Variants in DCHS2 observed in about 807,000 individuals in gnomAD.
DCHS2 encodes protocadherin-23.
Under a neutral mutation model 182.4 loss-of-function variants are expected in DCHS2, and 142 were observed. The ratio of observed to expected loss-of-function variants is 0.78; its 90% CI spans 0.68 to 0.89. The LOEUF (loss-of-function observed/expected upper bound fraction) is 0.89. DCHS2 is among the 40% of genes least tolerant of loss of function. The pLI is 0.00. For missense variants in DCHS2, 4,319 were observed against 4,198.6 expected (o/e 1.03, Z -0.79); for synonymous variants, 1,740 against 1,663.3 (o/e 1.05, Z -1.12).
At position 154,351,150 on chromosome 4, in the gene DCHS2, G is replaced by A. The variant is rs1226070481; in HGVS notation, c.2476+15060C>T. Among the ~76,000 whole-genome samples, 4 of 152,186 alleles carry A rather than the reference G, an allele frequency of 2.6e-5. No individual in the cohort carries two copies. In the South Asian group the frequency reaches 8.3e-4, roughly 32 times the overall value. On this transcript the variant is annotated intron_variant, in intron 3 of 19. Transcript: ENST00000357232. ...CCAGTGAGAAGCAGAGGGATTTGGGGAATGGTGGACAACAGGTGGGAAAAA... is the reference window on the plus strand; with the variant it reads ...CCAGTGAGAAGCAGAGGGATTTGGGAAATGGTGGACAACAGGTGGGAAAAA...
rs770262248 is a variant in DCHS2, at chr4:154,239,317, G to A, written c.7360-15C>T. ...GGAACTGTGACCTGAGGGAAAAAGA[G>A]AAAAATAGGGACATTGTGCTTAAAG... On this transcript the variant is annotated splice_polypyrimidine_tract_variant and intron_variant, in intron 18 of 19. Coordinates refer to ENST00000357232, the MANE Select transcript of DCHS2 (RefSeq NM_001358235.2). The A allele has an allele frequency of 1.2e-6, 2 of 1,610,726 alleles. No individual in the cohort carries two copies. Among genetic ancestry groups the A allele is most frequent in the Non-Finnish European group, 1.7e-6 (2 of 1,178,932 alleles).
chr4:154,376,090 G>A (rs1211170625), intron 2 of DCHS2, among the ~76,000 whole-genome samples: 1 of 152,090 alleles, frequency 6.6e-6, no homozygotes, highest in African/African-American at 2.4e-5. Context: ...ATGGAGGGGT[G>A]GATGGAGGAC....
chr4:154,448,744 G>A (rs1734407930), intron 1 of DCHS2, among the ~76,000 whole-genome samples: 1 of 152,194 alleles, frequency 6.6e-6, no homozygotes, highest in Non-Finnish European at 1.5e-5. Context: ...CACAGAAGCT[G>A]TCTCTGTTTC....
In DCHS2 at chr4:154,335,046, C is replaced by T. The variant is rs201977706; in HGVS notation, c.2535G>A (p.Met845Ile). Residue 845 changes from methionine to isoleucine, a missense_variant, in exon 4 of 20, where the codon ATG becomes ATA. Met to Ile is a conservative substitution (Grantham distance 10). Transcript: ENST00000357232. ...SHLESTTLSL[M>I]VSAQDGGGLT... is the part of the protein sequence containing the mutation. ...GCCCACCACCGTCTTGAGCAGAGAC[C>T]ATCAACGAAAGTGTGGTAGATTCCA... 8 of 1,613,932 alleles carry T rather than the reference C, an allele frequency of 5.0e-6. No homozygotes were observed. The highest frequency in any genetic ancestry group is 6.8e-6 in the Non-Finnish European group (8 of 1,179,820).
rs115439283 is a variant in DCHS2 at position 154,379,038 on chromosome 4, A to G, written c.2053-1594T>C. Among the ~76,000 whole-genome samples, 770 of 152,290 alleles carry G rather than the reference A, an allele frequency of 5.1e-3. 5 individuals carry two copies. Among genetic ancestry groups the G allele is most frequent in the African/African-American group, 0.016 (666 of 41,566 alleles). On this transcript the variant is annotated intron_variant, in intron 1 of 19. Transcript: ENST00000357232. ...TTCTATTCCATGTGATCAAATTCCA[A>G]ATGGGTTCCAGAATGCAGAAATATA...
intron 1 of DCHS2, among the ~76,000 whole-genome samples, chr4:154,384,213 C>A (rs1026679343): frequency 5.3e-5 from 8 of 152,160 alleles, no homozygotes; most frequent in Non-Finnish European, 5.9e-5. Flanking sequence ...GGCAAGTTCA[C>A]CAAGTTCCAA....
chr4:154,305,796 C>T (rs1735422858), intron 10 of DCHS2, among the ~76,000 whole-genome samples: 1 of 152,082 alleles, frequency 6.6e-6, no homozygotes, highest in Non-Finnish European at 1.5e-5. Flanking sequence ...AATAATTCTT[C>T]CCATATTTTT....
At chr4:154,290,862 T>C (rs1734627952) in intron 13 of DCHS2, among the ~76,000 whole-genome samples, 1 of 152,060 alleles carries the variant, frequency 6.6e-6, no homozygotes, top group Non-Finnish European at 1.5e-5. Context: ...GGAAACGCTC[T>C]AGGAAATTGG....
At chr4:154,300,481 C>T (rs1211570197) in intron 12 of DCHS2, among the ~76,000 whole-genome samples, 2 of 137,456 alleles carry the variant, frequency 1.5e-5, no homozygotes, top group African/African-American at 5.5e-5. Context: ...TGAGTCCAGC[C>T]TGGGCAACAT....
intron 3 of DCHS2, among the ~76,000 whole-genome samples, chr4:154,365,612 G>A (rs1730312104): frequency 6.6e-6 from 1 of 151,610 alleles, no homozygotes; most frequent in African/African-American, 2.4e-5. Flanking sequence ...CCAAGTAGCT[G>A]GGATTACAGG....
chr4:154,332,651 T>G lies in DCHS2; in HGVS notation c.3557A>C (p.Asp1186Ala), dbSNP rs781495672. 8.1e-6 allele frequency: 13 copies of G among 1,614,256 alleles called. No individual in the cohort carries two copies. The highest frequency in any genetic ancestry group is 1.1e-5 in the Non-Finnish European group (13 of 1,180,040). The stretch of plus-strand genomic sequence containing the variant: ...ATCATGCAAGAAGGTGGGGGAATTG[T>G]CATTCTCATCCCAGACACGAACAAT... ...TVIVRVWDEN[D>A]NSPTFLHDVL... The change falls in exon 5 of 20, where the codon GAC becomes GCC. Residue 1186 changes from aspartate to alanine, a missense_variant. Coordinates refer to ENST00000357232, the MANE Select transcript of DCHS2 (RefSeq NM_001358235.2).
rs1230379459 is a variant in DCHS2 at position 154,298,136 on chromosome 4, C to T, written c.6178G>A (p.Val2060Met). The change falls in exon 13 of 20, where the codon GTG becomes ATG. Residue 2060 changes from valine to methionine, a missense_variant. By Grantham distance (21) the Val-to-Met change is conservative. Transcript: ENST00000357232. ...CCCAAGTCCAGGTCATCAGCTCTCA[C>T]AATGACAGTTGTCTGGTTTGTAGGC... is the stretch of plus-strand genomic sequence containing the variant. ...ESPTNQTTVIVRADDLDLGPN... is the reference protein window; with the variant it reads ...ESPTNQTTVIMRADDLDLGPN... 1 of 1,614,100 alleles carries T rather than the reference C, an allele frequency of 6.2e-7. No individual in the cohort carries two copies. Among genetic ancestry groups the T allele is most frequent in the South Asian group, 1.1e-5 (1 of 91,080 alleles).
At chr4:154,259,423 G>A (rs1457623038) in intron 15 of DCHS2, 122 bp downstream of exon 15, 2 of 1,460,272 alleles carry the variant, frequency 1.4e-6, no homozygotes, top group African/African-American at 1.4e-5. Flanking sequence ...TGGAAAGAGT[G>A]TTGTACTACA....
intron 1 of DCHS2, among the ~76,000 whole-genome samples, chr4:154,380,941 G>T (rs1318283843): frequency 1.3e-5 from 2 of 152,008 alleles, no homozygotes; most frequent in Non-Finnish European, 2.9e-5. Flanking sequence ...TTGAGTAATA[G>T]AAAATGGAAA....
At chr4:154,351,284 T>A (rs139831259) in intron 3 of DCHS2, among the ~76,000 whole-genome samples, 194 of 152,264 alleles carry the variant, frequency 1.3e-3, no homozygotes, top group African/African-American at 4.3e-3. Context: ...AGACTCTCAA[T>A]GGGAGTGTAA....
In DCHS2 at chr4:154,406,966, T is replaced by C. The variant is rs144316060; in HGVS notation, c.2053-29522A>G. 4.0e-3 allele frequency among the ~76,000 whole-genome samples: 605 copies of C among 152,336 alleles called. 3 individuals carry two copies. The highest frequency in any genetic ancestry group is 0.014 in the African/African-American group (578 of 41,566). On this transcript the variant is annotated intron_variant, in intron 1 of 19. Coordinates refer to ENST00000357232, the MANE Select transcript of DCHS2 (RefSeq NM_001358235.2). Reference sequence around the variant, plus strand: ...AAAGATGCCACATCTATCAATCATTTTCCTCATGAATGCAGTGAGATACCA... The same window carrying C: ...AAAGATGCCACATCTATCAATCATTCTCCTCATGAATGCAGTGAGATACCA...
At chr4:154,380,675 A>C (rs1450038418) in intron 1 of DCHS2, among the ~76,000 whole-genome samples, 1 of 152,168 alleles carries the variant, frequency 6.6e-6, no homozygotes, top group Non-Finnish European at 1.5e-5. Context: ...CAAAAGTAGG[A>C]TAAAAGTATT....
chr4:154,380,009 G>T (rs531808023), intron 1 of DCHS2, among the ~76,000 whole-genome samples: 1 of 152,140 alleles, frequency 6.6e-6, no homozygotes, highest in East Asian at 1.9e-4. Flanking sequence ...AATTTAATGG[G>T]TTAATTCGAG....
At chr4:154,411,987 G>C (rs1016808428) in intron 1 of DCHS2, among the ~76,000 whole-genome samples, 1 of 152,124 alleles carries the variant, frequency 6.6e-6, no homozygotes, top group African/African-American at 2.4e-5. Flanking sequence ...ATGTTTATGG[G>C]TTTACTTTCA....
Sources: gnomAD v4.1 joint callset for allele counts (sites outside exome capture counted in the v4.1 genomes callset) on GRCh38, gnomAD v4.1.1 for gene constraint, MANE v1.5 for transcripts, NCBI Gene and HGNC (gene_info 2026-07-23, HGNC 2026-07-21) for gene names.